UNC13C: variants seen among roughly 807,000 people sequenced by gnomAD.
UNC13C encodes unc-13 homolog C, also known as protein unc-13 homolog C.
UNC13C carries 174 observed loss-of-function variants against 245.4 expected under a neutral mutation model. The ratio of observed to expected loss-of-function variants is 0.71; its 90% CI spans 0.63 to 0.80. UNC13C has a LOEUF of 0.80. Among genes scored for constraint, UNC13C ranks in the 30% least tolerant of loss-of-function variants. The pLI is 0.00. For missense variants in UNC13C, 2,829 were observed against 2,602.9 expected (o/e 1.09, Z -1.89); for synonymous variants, 992 against 895.1 (o/e 1.11, Z -1.93).
intron 2 of UNC13C, among the ~76,000 whole-genome samples, chr15:54,071,766 C>T (rs1898339700): frequency 6.6e-6 from 1 of 152,136 alleles, no homozygotes; most frequent in Non-Finnish European, 1.5e-5. Flanking sequence ...CCCTTTTTCA[C>T]GTTGTCTCTG....
At chr15:54,548,208 C>CTT (rs60975842) in intron 27 of UNC13C, among the ~76,000 whole-genome samples, 2,620 of 61,716 alleles carry the variant, frequency 0.042, 890 homozygotes, top group Non-Finnish European at 0.076. Context: ...GTTTCTTTTG[C>CTT]TTTTTTTTTT....
At chr15:54,134,507 T>G (rs2031626392) in intron 2 of UNC13C, among the ~76,000 whole-genome samples, 1 of 152,006 alleles carries the variant, frequency 6.6e-6, no homozygotes, top group South Asian at 2.1e-4. Flanking sequence ...GGTTTTTTGT[T>G]TTTTGTTTTT....
intron 2 of UNC13C, among the ~76,000 whole-genome samples, chr15:54,076,070 T>TA: frequency 6.7e-6 from 1 of 149,478 alleles, no homozygotes; most frequent in East Asian, 2.0e-4. Context: ...ATTCTTTTTT[T>TA]TTTTTTTTCA....
intron 18 of UNC13C, among the ~76,000 whole-genome samples, chr15:54,409,393 G>C (rs908174012): frequency 2.0e-5 from 3 of 151,826 alleles, no homozygotes; most frequent in Non-Finnish European, 4.4e-5. Context: ...ACTTTTATGT[G>C]AGGTTCAGTG....
chr15:54,526,133 C>A (rs1360088931), intron 25 of UNC13C, among the ~76,000 whole-genome samples: 4 of 152,116 alleles, frequency 2.6e-5, no homozygotes, highest in Admixed American at 2.0e-4. Flanking sequence ...TAGGGCCTAG[C>A]AATCTGAATA....
intron 8 of UNC13C, among the ~76,000 whole-genome samples, chr15:54,260,518 ATG>A (rs1278002032): frequency 2.7e-5 from 4 of 150,478 alleles, no homozygotes; most frequent in African/African-American, 9.7e-5. Context: ...ATACATATCT[ATG>A]TGTATACATA....
At chr15:54,448,687 T>G (rs1388023006) in intron 19 of UNC13C, among the ~76,000 whole-genome samples, 2 of 152,322 alleles carry the variant, frequency 1.3e-5, no homozygotes, top group African/African-American at 4.8e-5. Flanking sequence ...TGTGATGGGT[T>G]TCCTGAATAC....
At chr15:53,888,186 C>T in the UNC13C span, among the ~76,000 whole-genome samples, 1 of 152,140 alleles carries the variant, frequency 6.6e-6, no homozygotes, top group African/African-American at 2.4e-5. Flanking sequence ...TAAAAGTGTT[C>T]CTATTTCTCC....
At chr15:54,043,631 G>T (rs1441783632) in intron 2 of UNC13C, among the ~76,000 whole-genome samples, 1 of 152,164 alleles carries the variant, frequency 6.6e-6, no homozygotes, top group Non-Finnish European at 1.5e-5. Context: ...AGGGAAACAG[G>T]TTTCTACTCT....
At chr15:54,204,159 C>A (rs948015625) in intron 4 of UNC13C, among the ~76,000 whole-genome samples, 1 of 151,388 alleles carries the variant, frequency 6.6e-6, no homozygotes, top group African/African-American at 2.4e-5. Flanking sequence ...TTGGGGGTGT[C>A]AAGGGATAAA....
the UNC13C span, among the ~76,000 whole-genome samples, chr15:53,854,122 G>GT: frequency 1.8e-3 from 243 of 133,560 alleles, 1 homozygote; most frequent in Middle Eastern, 4.1e-3. Context: ...GTTTTTATAG[G>GT]TTTTTTTTTT....
At chr15:53,892,444 C>T in the UNC13C span, among the ~76,000 whole-genome samples, 5 of 152,160 alleles carry the variant, frequency 3.3e-5, no homozygotes, top group Non-Finnish European at 5.9e-5. Flanking sequence ...TGGGGAAGTT[C>T]TCCTGGATAA....
intron 31 of UNC13C, 46 bp from the exon 32 acceptor site, chr15:54,623,749 T>A (rs1349083393): frequency 1.3e-6 from 2 of 1,551,504 alleles, no homozygotes; most frequent in South Asian, 2.3e-5. Flanking sequence ...TCACTCTAAA[T>A]TTCCACACAT....
At chr15:54,139,307 A>C (rs2031899335) in intron 2 of UNC13C, among the ~76,000 whole-genome samples, 2 of 151,850 alleles carry the variant, frequency 1.3e-5, no homozygotes, top group Admixed American at 1.3e-4. Context: ...TTATGAGTCC[A>C]CCCTGCTCTA....
intron 29 of UNC13C, among the ~76,000 whole-genome samples, chr15:54,564,321 A>G (rs1209344072): frequency 1.3e-5 from 2 of 152,050 alleles, no homozygotes; most frequent in African/African-American, 4.8e-5. Context: ...CTCTATGGCT[A>G]AAAAAGAGGA....
chr15:54,303,246 C>A (rs965003369), intron 13 of UNC13C, among the ~76,000 whole-genome samples: 2 of 152,042 alleles, frequency 1.3e-5, no homozygotes, highest in African/African-American at 4.8e-5. Context: ...CCATCCCATG[C>A]CAAAGGCTAT....
At chr15:53,882,183 T>A in the UNC13C span, among the ~76,000 whole-genome samples, 2 of 152,208 alleles carry the variant, frequency 1.3e-5, no homozygotes, top group African/African-American at 4.8e-5. Flanking sequence ...GTAAATGTCA[T>A]CTATTATCAC....
downstream of UNC13C, chr15:54,633,159 C>CT (rs1491063079): frequency 6.2e-5 from 9 of 145,430 alleles, no homozygotes; most frequent in Non-Finnish European, 1.2e-4. Context: ...GAGCAAAACT[C>CT]TGTCTCAAAA....
chr15:53,975,629 C>T (rs1893672229), upstream of UNC13C, among the ~76,000 whole-genome samples: 1 of 152,130 alleles, frequency 6.6e-6, no homozygotes, highest in Non-Finnish European at 1.5e-5. Flanking sequence ...AGAATGACCC[C>T]TTTACTTGAT....
Sources: gnomAD v4.1 joint callset for allele counts (sites outside exome capture counted in the v4.1 genomes callset) on GRCh38, gnomAD v4.1.1 for gene constraint, MANE v1.5 for transcripts, NCBI Gene and HGNC (gene_info 2026-07-23, HGNC 2026-07-21) for gene names.